The following CTNNA3 variants were observed in gnomAD, a reference collection of about 807,000 sequenced individuals.
CTNNA3 encodes catenin alpha 3, also known as catenin alpha-3.
Under a neutral mutation model 95.7 loss-of-function variants are expected in CTNNA3, and 76 were observed. The ratio of observed to expected loss-of-function variants is 0.79; its 90% CI spans 0.66 to 0.96. The LOEUF (loss-of-function observed/expected upper bound fraction) is 0.96. Among genes scored for constraint, CTNNA3 ranks in the 40% least tolerant of loss-of-function variants. The pLI, the probability that CTNNA3 is intolerant of heterozygous loss-of-function variation, is 0.00. For synonymous variants in CTNNA3, 431 were observed against 374.4 expected (o/e 1.15, Z -1.74); for missense variants, 1,191 against 1,089.8 (o/e 1.09, Z -1.31).
At chr10:66,976,482 A>G (rs978024994) in intron 7 of CTNNA3, among the ~76,000 whole-genome samples, 1 of 152,146 alleles carries the variant, frequency 6.6e-6, no homozygotes, top group African/African-American at 2.4e-5. Context: ...GATTACTCCA[A>G]TAGCCTCATT....
chr10:66,589,808 A>G (rs2132225154), intron 10 of CTNNA3, among the ~76,000 whole-genome samples: 1 of 152,276 alleles, frequency 6.6e-6, no homozygotes, highest in Non-Finnish European at 1.5e-5. Context: ...AACAGTGTTA[A>G]TCAGATAAAA....
intron 13 of CTNNA3, among the ~76,000 whole-genome samples, chr10:66,119,568 G>T (rs1045071399): frequency 1.3e-5 from 2 of 152,042 alleles, no homozygotes; most frequent in South Asian, 4.1e-4. Context: ...AGGGGATTAG[G>T]CTGTGTAATT....
chr10:66,965,677 A>G (rs1409327482), intron 7 of CTNNA3, among the ~76,000 whole-genome samples: 2 of 152,004 alleles, frequency 1.3e-5, no homozygotes, highest in Non-Finnish European at 2.9e-5. Flanking sequence ...GATTGTCCCA[A>G]AGCAAAACTG....
chr10:66,323,343 A>G (rs912283635), intron 12 of CTNNA3, among the ~76,000 whole-genome samples: 1 of 151,892 alleles, frequency 6.6e-6, no homozygotes, highest in African/African-American at 2.4e-5. Context: ...GATGATATGA[A>G]CAGGAGTTGG....
At chr10:67,007,599 T>A (rs998653598) in intron 7 of CTNNA3, among the ~76,000 whole-genome samples, 3 of 151,980 alleles carry the variant, frequency 2.0e-5, no homozygotes, top group African/African-American at 7.2e-5. Flanking sequence ...CCTGAAAACA[T>A]AAGGTAAAGG....
intron 7 of CTNNA3, among the ~76,000 whole-genome samples, chr10:67,167,571 C>G (rs1194517672): frequency 6.6e-6 from 1 of 152,282 alleles, no homozygotes; most frequent in East Asian, 1.9e-4. Flanking sequence ...TAAACTCTAT[C>G]TTTTTGATGG....
chr10:67,492,322 A>T (rs558452911), intron 5 of CTNNA3, among the ~76,000 whole-genome samples: 1 of 150,812 alleles, frequency 6.6e-6, no homozygotes, highest in South Asian at 2.1e-4. Flanking sequence ...CAGTTGGATA[A>T]GTGATCATAA....
chr10:66,288,775 AT>A (rs2091632388), intron 12 of CTNNA3, among the ~76,000 whole-genome samples: 1 of 152,050 alleles, frequency 6.6e-6, no homozygotes, highest in Non-Finnish European at 1.5e-5. Context: ...GATGAGTGAT[AT>A]CGGTATCATC....
At chr10:66,681,636 C>T (rs181491420) in intron 9 of CTNNA3, among the ~76,000 whole-genome samples, 4 of 152,218 alleles carry the variant, frequency 2.6e-5, no homozygotes, top group African/African-American at 9.6e-5. Context: ...TTAGCTGCTA[C>T]AAGATTTAAT....
intron 5 of CTNNA3, among the ~76,000 whole-genome samples, chr10:67,336,486 T>C (rs1842000556): frequency 6.6e-6 from 1 of 152,202 alleles, no homozygotes; most frequent in African/African-American, 2.4e-5. Flanking sequence ...AAGCAGCAGG[T>C]GCTGAGGGAG....
chr10:66,006,009 C>CTTTT (rs11415177), intron 15 of CTNNA3, among the ~76,000 whole-genome samples: 38 of 115,980 alleles, frequency 3.3e-4, no homozygotes, highest in African/African-American at 1.3e-3. Flanking sequence ...CAAGGAAAGC[C>CTTTT]TTTTTTTTTT....
chr10:66,164,955 G>T (rs186750110), intron 13 of CTNNA3, among the ~76,000 whole-genome samples: 4 of 152,128 alleles, frequency 2.6e-5, no homozygotes, highest in South Asian at 4.1e-4. Context: ...TTCAAAAAAA[G>T]AAAGAAAGGA....
chr10:66,747,144 G>A (rs1279773684), intron 9 of CTNNA3, among the ~76,000 whole-genome samples: 1 of 152,180 alleles, frequency 6.6e-6, no homozygotes, highest in African/African-American at 2.4e-5. Flanking sequence ...TAATTCAAAT[G>A]TTTTGACTTT....
intron 7 of CTNNA3, among the ~76,000 whole-genome samples, chr10:66,838,937 C>A (rs79710225): frequency 7.5e-4 from 114 of 152,198 alleles, no homozygotes; most frequent in African/African-American, 2.7e-3. Flanking sequence ...TTGGGTAGCC[C>A]CAAAGCCTAT....
intron 10 of CTNNA3, among the ~76,000 whole-genome samples, chr10:66,543,659 A>C (rs1841937098): frequency 6.6e-6 from 1 of 151,486 alleles, no homozygotes; most frequent in South Asian, 2.1e-4. Context: ...ATTTCTAAAG[A>C]TAGTAGAAAA....
At chr10:66,658,444 A>G (rs1182933655) in intron 9 of CTNNA3, among the ~76,000 whole-genome samples, 1 of 152,226 alleles carries the variant, frequency 6.6e-6, no homozygotes, top group Non-Finnish European at 1.5e-5. Flanking sequence ...ATGAGAGAAT[A>G]AATTACCTTT....
intron 17 of CTNNA3, among the ~76,000 whole-genome samples, chr10:65,964,202 C>T (rs183010664): frequency 1.3e-4 from 20 of 152,288 alleles, no homozygotes; most frequent in Non-Finnish European, 2.8e-4. Context: ...GACAAGAACT[C>T]AGGGTCACTG....
At chr10:66,346,525 C>T (rs2092521799) in intron 12 of CTNNA3, among the ~76,000 whole-genome samples, 1 of 151,966 alleles carries the variant, frequency 6.6e-6, no homozygotes, top group Non-Finnish European at 1.5e-5. Context: ...GATCTGCCTG[C>T]CTCGGCCTCC....
intron 7 of CTNNA3, among the ~76,000 whole-genome samples, chr10:67,130,742 T>G (rs1859956520): frequency 6.6e-6 from 1 of 152,088 alleles, no homozygotes; most frequent in African/African-American, 2.4e-5. Context: ...GATCTGAGCT[T>G]GGAGCATCAA....
Sources: gnomAD v4.1 joint callset for allele counts (sites outside exome capture counted in the v4.1 genomes callset) on GRCh38, gnomAD v4.1.1 for gene constraint, MANE v1.5 for transcripts, NCBI Gene and HGNC (gene_info 2026-07-23, HGNC 2026-07-21) for gene names.